The following EPB41L4A variants were observed in gnomAD, a reference collection of about 807,000 sequenced individuals.
EPB41L4A encodes erythrocyte membrane protein band 4.1 like 4A.
EPB41L4A carries 100 observed loss-of-function variants against 108.6 expected under a neutral mutation model. The observed-to-expected ratio is 0.92, with a 90% CI of 0.78 to 1.09. The LOEUF is 1.09. EPB41L4A is among the 50% of genes least tolerant of loss of function. The probability of loss-of-function intolerance (pLI) is 0.00; values close to 1 mark genes in which losing one functional copy is unlikely to be tolerated. For synonymous variants in EPB41L4A, 319 were observed against 289.0 expected, an observed-to-expected ratio of 1.10 and a Z score of -1.05; for missense variants, 1,030 against 842.7, an observed-to-expected ratio of 1.22 and a Z score of -2.75.
intron 1 of EPB41L4A, among the ~76,000 whole-genome samples, chr5:112,346,216 A>ATTTTTGTTTTTT (rs1757662265): frequency 1.5e-5 from 1 of 67,294 alleles, no homozygotes; most frequent in Non-Finnish European, 3.1e-5. Context: ...GGTACATTGC[A>ATTTTTGTTTTTT]TTTTTTTTTT....
At chr5:112,204,547 CGCA>C in intron 14 of EPB41L4A, 59 bp from the exon 15 acceptor site, 1 of 1,112,780 alleles carries the variant, frequency 9.0e-7, no homozygotes, top group Non-Finnish European at 1.4e-6. Flanking sequence ...GAAAACACAC[CGCA>C]GCCCAGACCT....
chr5:112,357,924 CAAAATTA>C (rs1294070334), intron 1 of EPB41L4A, among the ~76,000 whole-genome samples: 4 of 152,208 alleles, frequency 2.6e-5, no homozygotes, highest in African/African-American at 9.6e-5. Context: ...ACCAGGTGAA[CAAAATTA>C]CAAGGCTGTG....
rs568183583 is a variant in EPB41L4A at position 112,349,651 on chromosome 5, T to C, written c.100-42161A>G. 3.3e-5 allele frequency among the ~76,000 whole-genome samples: 5 copies of C among 152,230 alleles called. No homozygotes were observed. The South Asian group carries it at 1.0e-3, about 32-fold the overall frequency. ...AGATCAAAGAAGCAGAGAATGTAAATGGATTCACATTCAGCACAAGAGACG... is the reference window on the plus strand; with the variant it reads ...AGATCAAAGAAGCAGAGAATGTAAACGGATTCACATTCAGCACAAGAGACG... On this transcript the variant is annotated intron_variant, in intron 1 of 22. Coordinates refer to ENST00000261486, the MANE Select transcript of EPB41L4A (RefSeq NM_022140.5).
intron 1 of EPB41L4A, among the ~76,000 whole-genome samples, chr5:112,361,223 A>C (rs1353056629): frequency 6.6e-6 from 1 of 152,188 alleles, no homozygotes; most frequent in Non-Finnish European, 1.5e-5. Flanking sequence ...CCTTTCCCCC[A>C]ACCCCGTGCT....
intron 12 of EPB41L4A, among the ~76,000 whole-genome samples, chr5:112,222,368 A>G (rs1000448593): frequency 5.9e-5 from 9 of 152,196 alleles, no homozygotes; most frequent in Non-Finnish European, 8.8e-5. Context: ...CTGCCTGTGT[A>G]ATCTCAAACA....
chr5:112,232,019 G>C (rs1011888626), intron 12 of EPB41L4A, among the ~76,000 whole-genome samples: 1 of 151,756 alleles, frequency 6.6e-6, no homozygotes, highest in Admixed American at 6.6e-5. Flanking sequence ...GAAGGCTGAG[G>C]TGGGAGGATT....
intron 2 of EPB41L4A, among the ~76,000 whole-genome samples, chr5:112,302,672 A>G (rs897173765): frequency 3.9e-5 from 6 of 152,200 alleles, no homozygotes; most frequent in African/African-American, 1.4e-4. Flanking sequence ...TGTGGTTTGA[A>G]CCCATACAGT....
At chr5:112,419,645 C>G (rs1580877220), upstream of EPB41L4A, 1 of 456,352 alleles carries the variant, frequency 2.2e-6, no homozygotes. Flanking sequence ...CACGACGCCC[C>G]GACCATGGGC....
chr5:112,200,035 T>C (rs1316044116), intron 15 of EPB41L4A, among the ~76,000 whole-genome samples: 1 of 152,248 alleles, frequency 6.6e-6, no homozygotes, highest in African/African-American at 2.4e-5. Flanking sequence ...AGGACCAAAA[T>C]CCTGAACAAA....
intron 2 of EPB41L4A, among the ~76,000 whole-genome samples, chr5:112,301,292 A>C (rs1004433501): frequency 2.0e-5 from 3 of 152,280 alleles, no homozygotes; most frequent in African/African-American, 7.2e-5. Flanking sequence ...GTTAGATGGA[A>C]GATCTGGAAC....
rs1164364835 is a variant in EPB41L4A at position 112,211,139 on chromosome 5, C to T, written c.1088-1157G>A. 2.6e-5 allele frequency among the ~76,000 whole-genome samples: 4 copies of T among 152,130 alleles called. No homozygotes were observed. The East Asian group carries it at 7.7e-4, about 29-fold the overall frequency. ...AAAAAATGGGCCTTTCTCAAGGTCCCACAGCTCCTGAGTGGTGGGGCAAGC... is the reference window on the plus strand; with the variant it reads ...AAAAAATGGGCCTTTCTCAAGGTCCTACAGCTCCTGAGTGGTGGGGCAAGC... On this transcript the variant is annotated intron_variant, in intron 12 of 22. Transcript: ENST00000261486.
At chr5:112,166,380 C>T (rs1425975206) in intron 22 of EPB41L4A, among the ~76,000 whole-genome samples, 2 of 152,346 alleles carry the variant, frequency 1.3e-5, no homozygotes, top group East Asian at 1.9e-4. Flanking sequence ...ACGCTTCCCA[C>T]AGCCTTTAAG....
chr5:112,416,086 T>C (rs1038080456), intron 1 of EPB41L4A, among the ~76,000 whole-genome samples: 1 of 151,334 alleles, frequency 6.6e-6, no homozygotes, highest in African/African-American at 2.5e-5. Context: ...GTAACTGTTG[T>C]CTTCAGGCTG....
chr5:112,187,347 A>G (rs1213952645), intron 17 of EPB41L4A, among the ~76,000 whole-genome samples: 1 of 152,232 alleles, frequency 6.6e-6, no homozygotes, highest in East Asian at 1.9e-4. Flanking sequence ...GGTAGGAAGT[A>G]TATCATAACA....
chr5:112,228,653 G>C (rs1051949877), intron 12 of EPB41L4A: 3 of 949,840 alleles, frequency 3.2e-6, no homozygotes, highest in Admixed American at 6.2e-5. Context: ...CAAATATTCT[G>C]TCTTCATTGC....
chr5:112,244,137 T>C lies in EPB41L4A; in HGVS notation c.796-3327A>G, dbSNP rs544483329. Among the ~76,000 whole-genome samples the C allele has an allele frequency of 3.9e-5, 6 of 152,320 alleles. No individual in the cohort carries two copies. In the East Asian group the frequency reaches 7.7e-4, roughly 20 times the overall value. ...CTTTCAGTTGAACCCTTAGAGGTTA[T>C]TGTAGGGTTATTAACTGACCTAGTT... On this transcript the variant is annotated intron_variant, in intron 9 of 22. Coordinates refer to ENST00000261486, the MANE Select transcript of EPB41L4A (RefSeq NM_022140.5).
intron 15 of EPB41L4A, among the ~76,000 whole-genome samples, chr5:112,201,686 C>T (rs979814883): frequency 6.6e-6 from 1 of 152,198 alleles, no homozygotes; most frequent in Non-Finnish European, 1.5e-5. Flanking sequence ...ACACAATACA[C>T]ACAAATGCAC....
intron 1 of EPB41L4A, among the ~76,000 whole-genome samples, chr5:112,323,600 A>G (rs2150633519): frequency 1.3e-5 from 2 of 152,316 alleles, no homozygotes; most frequent in East Asian, 3.9e-4. Flanking sequence ...TTTTATCAAA[A>G]ACGTTGTCTA....
intron 7 of EPB41L4A, among the ~76,000 whole-genome samples, chr5:112,260,645 A>G (rs545781887): frequency 3.9e-5 from 6 of 152,232 alleles, no homozygotes; most frequent in Non-Finnish European, 7.3e-5. Context: ...ATGTAAAAGT[A>G]TAATCTCTTC....
Sources: allele counts gnomAD v4.1 joint callset (sites outside exome capture counted in the v4.1 genomes callset), GRCh38; gene constraint gnomAD v4.1.1; transcripts MANE v1.5; gene names NCBI Gene and HGNC (gene_info 2026-07-23, HGNC 2026-07-21).